The following TBC1D32 variants were observed in gnomAD, a reference collection of about 807,000 sequenced individuals.
The protein encoded by TBC1D32 is TBC1 domain family member 32.
A neutral mutation model predicts 170.3 loss-of-function variants in TBC1D32; 151 were observed. That is an observed-to-expected ratio of 0.89 (90% CI 0.78 to 1.01). The LOEUF (loss-of-function observed/expected upper bound fraction) is 1.01, where lower values mean the gene tolerates loss of function less well. Ranked by LOEUF, TBC1D32 falls within the 50% of genes least tolerant of loss-of-function variation. The probability of loss-of-function intolerance (pLI) is 0.00; values close to 1 mark genes in which losing one functional copy is unlikely to be tolerated. For synonymous variants in TBC1D32, 498 were observed against 488.0 expected (o/e 1.02, Z -0.27); for missense variants, 1,464 against 1,457.1 (o/e 1.00, Z -0.08).
In TBC1D32 at chr6:121,267,371, AG is replaced by A. The variant is rs1174012645; in HGVS notation, c.1734-11087del. 3.9e-5 allele frequency among the ~76,000 whole-genome samples: 6 copies of A among 152,188 alleles called. No individual in the cohort carries two copies. In the East Asian group the frequency reaches 9.7e-4, roughly 25 times the overall value. ...GTCAGGGAATTCCCTTTCCTAGCCA[AG>A]GGAAGCTATGACAGACGGTACCTGG... On this transcript the variant is annotated intron_variant, in intron 15 of 31. Transcript: ENST00000398212.
At chr6:121,108,247 C>T (rs189292295) in intron 29 of TBC1D32, among the ~76,000 whole-genome samples, 1 of 152,014 alleles carries the variant, frequency 6.6e-6, no homozygotes, top group Non-Finnish European at 1.5e-5. Context: ...ATAGTGAGAG[C>T]TCTAAGTCAC....
intron 26 of TBC1D32, among the ~76,000 whole-genome samples, chr6:121,116,969 T>C (rs1779743074): frequency 6.6e-6 from 1 of 152,202 alleles, no homozygotes; most frequent in African/African-American, 2.4e-5. Context: ...GTTCATCTTC[T>C]GAGGGACTTT....
At chr6:121,288,984 G>A (rs1185554259) in intron 12 of TBC1D32, among the ~76,000 whole-genome samples, 1 of 152,096 alleles carries the variant, frequency 6.6e-6, no homozygotes, top group Non-Finnish European at 1.5e-5. Context: ...CAATAAATTA[G>A]GTATTGATGG....
chr6:121,126,228 G>A, intron 26 of TBC1D32, 150 bp downstream of exon 26: 1 of 498,618 alleles, frequency 2.0e-6, no homozygotes, highest in Non-Finnish European at 3.5e-6. Context: ...ACAAAGAAAA[G>A]AGGCTTAATG....
chr6:121,184,818 T>G (rs1409062490), intron 22 of TBC1D32, among the ~76,000 whole-genome samples: 7 of 151,926 alleles, frequency 4.6e-5, no homozygotes, highest in African/African-American at 1.7e-4. Context: ...AAACATAATT[T>G]TGAGCTCCCA....
chr6:121,324,913 C>CA (rs1810251755), intron 1 of TBC1D32, among the ~76,000 whole-genome samples: 1 of 152,168 alleles, frequency 6.6e-6, no homozygotes, highest in South Asian at 2.1e-4. Flanking sequence ...TGAGGTAAGT[C>CA]AAAAAAGCTC....
intron 10 of TBC1D32, among the ~76,000 whole-genome samples, chr6:121,297,250 A>T (rs1307705372): frequency 6.6e-6 from 1 of 152,044 alleles, no homozygotes; most frequent in Non-Finnish European, 1.5e-5. Context: ...AATAGACAGA[A>T]ATTTGCTATA....
At chr6:121,159,211 T>C (rs370895191) in intron 24 of TBC1D32, among the ~76,000 whole-genome samples, 106 of 152,362 alleles carry the variant, frequency 7.0e-4, no homozygotes, top group African/African-American at 2.5e-3. Flanking sequence ...TCCCATCACA[T>C]TGTACTGCTA....
intron 1 of TBC1D32, among the ~76,000 whole-genome samples, chr6:121,328,942 C>A (rs994081657): frequency 7.2e-5 from 11 of 152,224 alleles, no homozygotes; most frequent in African/African-American, 2.6e-4. Flanking sequence ...TGCAAAATAT[C>A]TTTTACAAAA....
chr6:121,181,656 T>C (rs1321910882), intron 22 of TBC1D32, among the ~76,000 whole-genome samples: 1 of 151,922 alleles, frequency 6.6e-6, no homozygotes, highest in Non-Finnish European at 1.5e-5. Flanking sequence ...AATCAGTATA[T>C]CAAAGAAGTA....
chr6:121,271,703 T>G (rs192598734), intron 15 of TBC1D32, among the ~76,000 whole-genome samples: 5,020 of 152,180 alleles, frequency 0.033, 200 homozygotes, highest in East Asian at 0.12. Context: ...GTAATTTATA[T>G]ATTCAATGCC....
chr6:121,211,018 A>G (rs1792972221), intron 21 of TBC1D32, among the ~76,000 whole-genome samples: 1 of 152,192 alleles, frequency 6.6e-6, no homozygotes, highest in African/African-American at 2.4e-5. Context: ...GGCAAGTACA[A>G]TATAAGCCAA....
chr6:121,268,909 A>C lies in TBC1D32; in HGVS notation c.1733+10212T>G, dbSNP rs145367643. Among the ~76,000 whole-genome samples, 381 of 152,318 alleles carry C rather than the reference A, an allele frequency of 2.5e-3. 1 individual carries two copies. Among genetic ancestry groups the C allele is most frequent in the African/African-American group, 9.0e-3 (372 of 41,562 alleles). On this transcript the variant is annotated intron_variant, in intron 15 of 31. Coordinates refer to ENST00000398212, the MANE Select transcript of TBC1D32 (RefSeq NM_152730.6). ...GAGAAGCCCATCAGACTAACAGCGG[A>C]TCTCTCGGCAGACACTCTGCAAGCC...
chr6:121,265,280 A>T (rs112574399), intron 15 of TBC1D32, among the ~76,000 whole-genome samples: 1 of 152,122 alleles, frequency 6.6e-6, no homozygotes, highest in Non-Finnish European at 1.5e-5. Flanking sequence ...ACAGACAGAG[A>T]GCCAAATCAT....
chr6:121,333,131 C>T (rs963765141), intron 1 of TBC1D32, among the ~76,000 whole-genome samples: 1 of 152,050 alleles, frequency 6.6e-6, no homozygotes, highest in Non-Finnish European at 1.5e-5. Flanking sequence ...CTTCAGGGTA[C>T]CCAAGGGTAT....
chr6:121,317,464 C>G, intron 3 of TBC1D32, 31 bp downstream of exon 3: 1 of 1,465,472 alleles, frequency 6.8e-7, no homozygotes, highest in Non-Finnish European at 9.1e-7. Context: ...AACAGCATTT[C>G]AAGACATAAA....
At chr6:121,140,560 C>T (rs954102078) in intron 24 of TBC1D32, among the ~76,000 whole-genome samples, 1 of 151,936 alleles carries the variant, frequency 6.6e-6, no homozygotes, top group South Asian at 2.1e-4. Flanking sequence ...GAATATTTTA[C>T]CAGGCAGAAA....
At chr6:121,189,566 C>G in intron 22 of TBC1D32, among the ~76,000 whole-genome samples, 1 of 151,644 alleles carries the variant, frequency 6.6e-6, no homozygotes, top group East Asian at 1.9e-4. Flanking sequence ...TTCTTATGCA[C>G]TAGAAAAAAA....
At chr6:121,270,471 T>C (rs922744407) in intron 15 of TBC1D32, among the ~76,000 whole-genome samples, 8 of 152,220 alleles carry the variant, frequency 5.3e-5, no homozygotes, top group African/African-American at 1.7e-4. Context: ...CATCAGAGAA[T>C]ACTATAAACA....
Sources: allele counts gnomAD v4.1 joint callset (sites outside exome capture counted in the v4.1 genomes callset), GRCh38; gene constraint gnomAD v4.1.1; transcripts MANE v1.5; gene names NCBI Gene and HGNC (gene_info 2026-07-23, HGNC 2026-07-21).